RIMS2: variants seen among roughly 807,000 people sequenced by gnomAD.
RIMS2 encodes regulating synaptic membrane exocytosis protein 2.
RIMS2 carries 59 observed loss-of-function variants against 174.4 expected under a neutral mutation model. The observed-to-expected ratio is 0.34, with a 90% CI of 0.27 to 0.42. The LOEUF (loss-of-function observed/expected upper bound fraction) is 0.42, where lower values mean the gene tolerates loss of function less well. Ranked by LOEUF, RIMS2 falls within the 10% of genes least tolerant of loss-of-function variation. The pLI is 1.00. For synonymous variants in RIMS2, 606 were observed against 572.5 expected (o/e 1.06, Z -0.84); for missense variants, 1,620 against 1,666.3 (o/e 0.97, Z 0.48).
chr8:103,637,839 T>A (rs2096125279), intron 1 of RIMS2, among the ~76,000 whole-genome samples: 1 of 152,186 alleles, frequency 6.6e-6, no homozygotes, highest in African/African-American at 2.4e-5. Context: ...TCATGTCTCC[T>A]TAGTCTCTTC....
chr8:103,715,205 A>T (rs1279574716), intron 2 of RIMS2, among the ~76,000 whole-genome samples: 3 of 152,166 alleles, frequency 2.0e-5, no homozygotes, highest in Non-Finnish European at 4.4e-5. Context: ...TAGGATGTGC[A>T]GGTTTGTTAC....
chr8:103,637,490 A>T (rs986777668), intron 1 of RIMS2, among the ~76,000 whole-genome samples: 16 of 152,348 alleles, frequency 1.1e-4, no homozygotes, highest in African/African-American at 3.6e-4. Context: ...TGTGAAAGAT[A>T]AGTATTACTT....
intron 2 of RIMS2, among the ~76,000 whole-genome samples, chr8:103,725,314 G>A (rs534732470): frequency 6.6e-6 from 1 of 152,208 alleles, no homozygotes. Flanking sequence ...TATTCCCAAT[G>A]TGCCTAGCAC....
chr8:103,527,823 C>A (rs1230670389), intron 1 of RIMS2, among the ~76,000 whole-genome samples: 1 of 152,200 alleles, frequency 6.6e-6, no homozygotes, highest in Non-Finnish European at 1.5e-5. Flanking sequence ...CAAGTCTTTG[C>A]TATTGTGAAT....
At chr8:103,551,322 C>T (rs1187037933) in intron 1 of RIMS2, among the ~76,000 whole-genome samples, 3 of 152,180 alleles carry the variant, frequency 2.0e-5, no homozygotes, top group African/African-American at 7.2e-5. Context: ...CATAATCCAT[C>T]ACATAAACAG....
At chr8:103,975,712 C>G (rs928269188) in intron 16 of RIMS2, 12 of 401,356 alleles carry the variant, frequency 3.0e-5, no homozygotes, top group Non-Finnish European at 5.3e-5. Flanking sequence ...AAGTGTGAGT[C>G]CATTTTGAAA....
intron 1 of RIMS2, among the ~76,000 whole-genome samples, chr8:103,665,996 T>C (rs952285447): frequency 6.6e-6 from 1 of 152,182 alleles, no homozygotes; most frequent in Non-Finnish European, 1.5e-5. Flanking sequence ...AGTTGACTTG[T>C]TAGAAGAAAA....
intron 17 of RIMS2, among the ~76,000 whole-genome samples, chr8:104,009,472 T>A (rs1436396459): frequency 6.6e-6 from 1 of 152,022 alleles, no homozygotes; most frequent in Non-Finnish European, 1.5e-5. Context: ...TTTATTTTTA[T>A]TTTTTGTAGA....
At chr8:104,173,056 A>G (rs938817407) in intron 19 of RIMS2, among the ~76,000 whole-genome samples, 3 of 152,168 alleles carry the variant, frequency 2.0e-5, no homozygotes, top group Non-Finnish European at 4.4e-5. Context: ...TATCTAGCAC[A>G]TTTTTTGTAG....
At chr8:103,962,019 A>G (rs571449133) in intron 15 of RIMS2, among the ~76,000 whole-genome samples, 5 of 152,306 alleles carry the variant, frequency 3.3e-5, no homozygotes, top group African/African-American at 1.2e-4. Flanking sequence ...TAGTTTTGAG[A>G]AATATTTCTC....
At chr8:103,912,309 A>G (rs973600200) in intron 6 of RIMS2, 137 bp downstream of exon 9, 1 of 503,518 alleles carries the variant, frequency 2.0e-6, no homozygotes. Context: ...ATTCGCACTC[A>G]TTATCTAAAA....
chr8:104,146,477 C>A (rs1005506902), intron 19 of RIMS2, among the ~76,000 whole-genome samples: 1 of 152,138 alleles, frequency 6.6e-6, no homozygotes, highest in Non-Finnish European at 1.5e-5. Flanking sequence ...AAACAAAGTT[C>A]TCATTAAAAT....
chr8:103,609,870 T>C (rs1334734629), intron 1 of RIMS2, among the ~76,000 whole-genome samples: 1 of 152,226 alleles, frequency 6.6e-6, no homozygotes, highest in Non-Finnish European at 1.5e-5. Context: ...CTGTGAAGTA[T>C]GTCATTGGTA....
intron 1 of RIMS2, among the ~76,000 whole-genome samples, chr8:103,510,840 T>C (rs1250389004): frequency 6.6e-6 from 1 of 152,166 alleles, no homozygotes; most frequent in Admixed American, 6.5e-5. Flanking sequence ...TAAGGAAACA[T>C]ATTTATGTGT....
chr8:103,931,464 A>G (rs1484610919), intron 12 of RIMS2, 71 bp downstream of exon 14: 9 of 1,044,510 alleles, frequency 8.6e-6, no homozygotes, highest in East Asian at 2.5e-5. Context: ...GGGTATTTCA[A>G]TTCTGTATCA....
intron 2 of RIMS2, among the ~76,000 whole-genome samples, chr8:103,743,491 A>T (rs538002700): frequency 6.6e-6 from 1 of 152,290 alleles, no homozygotes; most frequent in South Asian, 2.1e-4. Flanking sequence ...TTACCTAGCT[A>T]TCAAGATCAT....
intron 12 of RIMS2, among the ~76,000 whole-genome samples, chr8:103,935,041 C>T (rs2080935276): frequency 6.6e-6 from 1 of 152,188 alleles, no homozygotes; most frequent in Non-Finnish European, 1.5e-5. Context: ...TGGTTAAATA[C>T]TTTCATCCTG....
upstream of RIMS2, chr8:103,500,695 T>TC: frequency 1.9e-6 from 1 of 531,858 alleles, no homozygotes; most frequent in Non-Finnish European, 3.3e-6. Context: ...TCCTCAGCCC[T>TC]CCTTCCCCAC....
chr8:104,115,901 TA>T (rs2098271246), intron 19 of RIMS2, among the ~76,000 whole-genome samples: 1 of 152,190 alleles, frequency 6.6e-6, no homozygotes, highest in East Asian at 1.9e-4. Context: ...GTTATCTTTG[TA>T]AACAACTCTT....
Sources: gnomAD v4.1 joint callset for allele counts (sites outside exome capture counted in the v4.1 genomes callset) on GRCh38, gnomAD v4.1.1 for gene constraint, MANE v1.5 for transcripts, NCBI Gene and HGNC (gene_info 2026-07-23, HGNC 2026-07-21) for gene names.